Variants in ZNF736 observed in about 807,000 individuals in gnomAD.
The protein encoded by ZNF736 is zinc finger protein 736.
A neutral mutation model predicts 11.7 loss-of-function variants in ZNF736; 6 were observed. The observed-to-expected ratio is 0.51, with a 90% confidence interval of 0.28 to 1.01. The LOEUF (loss-of-function observed/expected upper bound fraction) is 1.01. Among genes scored for constraint, ZNF736 ranks in the 50% least tolerant of loss-of-function variants. The probability of loss-of-function intolerance (pLI) is 0.09; values close to 1 mark genes in which losing one functional copy is unlikely to be tolerated. For synonymous variants in ZNF736, 139 were observed against 164.7 expected, an observed-to-expected ratio of 0.84 and a Z score of 1.19; for missense variants, 444 against 496.0, an observed-to-expected ratio of 0.90 and a Z score of 1.00.
chr7:64,334,784 A>G (rs77403573), intron 1 of ZNF736, among the ~76,000 whole-genome samples: 99,590 of 152,094 alleles, frequency 0.65, 33,670 homozygotes, highest in African/African-American at 0.84. Flanking sequence ...TCTCATTACT[A>G]GGTATATGCC....
Position 64,348,305 on chromosome 7 carries a change from A to G in ZNF736, c.442A>G (p.Asn148Asp). The G allele has an allele frequency of 6.4e-7, 1 of 1,551,886 alleles. No homozygotes were observed. The highest frequency in any genetic ancestry group is 1.2e-5 in the South Asian group (1 of 84,060). The change falls in exon 4 of 4, where the codon AAT becomes GAT. Residue 148 changes from asparagine to aspartate, a missense_variant. Asn to Asp is a conservative substitution (Grantham distance 23). Transcript: ENST00000423484. ...TACCCATAGCAAAACCTGTCAATGT[A>G]ATAAATGTGGCAGAGGTTTTCAGTT... ...SATHSKTCQCNKCGRGFQLCS... is the reference protein window; with the variant it reads ...SATHSKTCQCDKCGRGFQLCS...
chr7:64,347,972 A>G (rs1789433785), intron 3 of ZNF736, 118 bp from the exon 4 acceptor site: 4 of 950,762 alleles, frequency 4.2e-6, no homozygotes, highest in Non-Finnish European at 6.0e-6. Context: ...ATATGTCTAT[A>G]AGAATATAGA....
chr7:64,339,215 T>G (rs595104), intron 3 of ZNF736, among the ~76,000 whole-genome samples: 1 of 151,950 alleles, frequency 6.6e-6, no homozygotes, highest in African/African-American at 2.4e-5. Flanking sequence ...TTCTTATATA[T>G]TTTTGATACT....
intron 1 of ZNF736, among the ~76,000 whole-genome samples, chr7:64,332,948 C>T (rs1562671594): frequency 6.6e-6 from 1 of 152,098 alleles, no homozygotes. Context: ...CTTCAAGGTG[C>T]AATGATTTCA....
At chr7:64,326,282 A>G (rs1418681446) in intron 1 of ZNF736, among the ~76,000 whole-genome samples, 2 of 152,170 alleles carry the variant, frequency 1.3e-5, no homozygotes, top group Non-Finnish European at 2.9e-5. Context: ...GCTTGCCCCA[A>G]AATCTGCAGG....
At chr7:64,318,407 T>TTA (rs1039880096) in intron 1 of ZNF736, among the ~76,000 whole-genome samples, 2 of 151,978 alleles carry the variant, frequency 1.3e-5, no homozygotes, top group African/African-American at 4.8e-5. Context: ...TATTGTAAGT[T>TTA]TATAAACTTT....
At chr7:64,328,519 G>A (rs571460858) in intron 1 of ZNF736, among the ~76,000 whole-genome samples, 4 of 152,140 alleles carry the variant, frequency 2.6e-5, no homozygotes, top group Non-Finnish European at 4.4e-5. Context: ...CCAGCACTTT[G>A]GGAGTCTGAG....
At chr7:64,326,217 A>G (rs1319326822) in intron 1 of ZNF736, among the ~76,000 whole-genome samples, 2 of 152,250 alleles carry the variant, frequency 1.3e-5, no homozygotes, top group Admixed American at 1.3e-4. Context: ...CAGACAGGAT[A>G]TAAACACAGG....
chr7:64,356,267 T>G lies in ZNF736; in HGVS notation c.*7120T>G, dbSNP rs1789552375. 6.6e-6 allele frequency: 1 copy of G among 152,208 alleles called. No individual in the cohort carries two copies. The allele number at this position is 152,208 out of a possible 1,614,324, so 9.4% of individuals were successfully genotyped here. A position where few individuals can be genotyped will look rare whatever the true frequency, so the allele number is the denominator to read the frequency against. ...TTTAGCCAGTAAATTTAATCTTATT[T>G]CTTTAATCTTTAAGTTTTACTACTG... On this transcript the variant is annotated 3_prime_UTR_variant, in exon 4 of 4. Coordinates refer to ENST00000423484, the MANE Select transcript of ZNF736 (RefSeq NM_001170905.3).
intron 1 of ZNF736, among the ~76,000 whole-genome samples, chr7:64,327,036 T>C (rs1414148462): frequency 1.3e-5 from 2 of 152,206 alleles, no homozygotes; most frequent in Non-Finnish European, 2.9e-5. Context: ...TTTGATGAAA[T>C]GCTTTGTAAA....
intron 3 of ZNF736, 103 bp from the exon 4 acceptor site, chr7:64,347,987 G>T (rs763807803): frequency 4.9e-6 from 5 of 1,013,376 alleles, no homozygotes; most frequent in Non-Finnish European, 7.0e-6. Context: ...TATAGAGCCT[G>T]TGGTATTTTA....
At chr7:64,343,916 T>C (rs560590396) in intron 3 of ZNF736, among the ~76,000 whole-genome samples, 29 of 152,244 alleles carry the variant, frequency 1.9e-4, no homozygotes, top group African/African-American at 6.7e-4. Context: ...TGTTTGCCTG[T>C]GTAAATATTA....
intron 1 of ZNF736, among the ~76,000 whole-genome samples, chr7:64,334,950 G>A (rs796120679): frequency 4.8e-4 from 73 of 152,252 alleles, no homozygotes; most frequent in African/African-American, 1.7e-3. Flanking sequence ...GGAATACTAT[G>A]CAGCCATAAA....
rs1192820645 is a variant in ZNF736 at position 64,354,276 on chromosome 7, T to C, written c.*5129T>C. The stretch of plus-strand genomic sequence containing the variant: ...AACACATACAGACCTTTAGTTTTGG[T>C]TTACATGGATTTAAATATATAGATA... On this transcript the variant is annotated 3_prime_UTR_variant, in exon 4 of 4. Transcript: ENST00000423484. 1 of 152,162 alleles carries C rather than the reference T, an allele frequency of 6.6e-6. No homozygotes were observed. The highest frequency in any genetic ancestry group is 1.5e-5 in the Non-Finnish European group (1 of 67,996). The allele number at this position is 152,162 out of a possible 1,614,324, so 9.4% of individuals were successfully genotyped here.
chr7:64,347,487 A>G (rs1437367515), intron 3 of ZNF736, among the ~76,000 whole-genome samples: 1 of 151,784 alleles, frequency 6.6e-6, no homozygotes. Context: ...CAGCCTCCCA[A>G]AGTGCTGGGA....
chr7:64,324,533 C>G (rs898720753), intron 1 of ZNF736, among the ~76,000 whole-genome samples: 2 of 152,190 alleles, frequency 1.3e-5, no homozygotes, highest in Admixed American at 6.5e-5. Context: ...TTTGCCCCCC[C>G]GGACACATGC....
chr7:64,345,087 G>A (rs1233459265), intron 3 of ZNF736, among the ~76,000 whole-genome samples: 1 of 151,302 alleles, frequency 6.6e-6, no homozygotes, highest in Non-Finnish European at 1.5e-5. Flanking sequence ...GCAGTGGCGC[G>A]ATCTCGGCTC....
Position 64,348,378 on chromosome 7 carries a change from G to T in ZNF736, c.515G>T (p.Cys172Phe). Residue 172 changes from cysteine (C) to phenylalanine (F), a missense_variant, in exon 4 of 4, where the codon TGC becomes TTC. By Grantham distance (205) the Cys-to-Phe change is radical. Coordinates refer to ENST00000423484, the MANE Select transcript of ZNF736 (RefSeq NM_001170905.3). ...EHKDIFSREKCHKCEECGKDC... is the reference protein window; with the variant it reads ...EHKDIFSREKFHKCEECGKDC... Reference sequence around the variant, plus strand: ...AAAGACATTTTTAGCAGAGAGAAATGCCACAAATGTGAAGAATGTGGCAAA... The same window carrying T: ...AAAGACATTTTTAGCAGAGAGAAATTCCACAAATGTGAAGAATGTGGCAAA... 2.6e-6 allele frequency: 4 copies of T among 1,551,136 alleles called. No homozygotes were observed. The highest frequency in any genetic ancestry group is 2.6e-6 in the Non-Finnish European group (3 of 1,146,854).
chr7:64,343,966 T>A (rs952007820), intron 3 of ZNF736, among the ~76,000 whole-genome samples: 10 of 149,450 alleles, frequency 6.7e-5, no homozygotes, highest in East Asian at 5.8e-4. Flanking sequence ...TTTTTTTTTT[T>A]ATTTTTTTGT....
Sources: gnomAD v4.1 joint callset for allele counts (sites outside exome capture counted in the v4.1 genomes callset) on GRCh38, gnomAD v4.1.1 for gene constraint, MANE v1.5 for transcripts, NCBI Gene and HGNC (gene_info 2026-07-23, HGNC 2026-07-21) for gene names.